Variants in RAP1GAP2 observed in about 807,000 individuals in gnomAD.
RAP1GAP2 encodes the protein RAP1 GTPase activating protein 2.
Under a neutral mutation model 95.0 loss-of-function variants are expected in RAP1GAP2, and 27 were observed. That is an observed-to-expected ratio of 0.28 (90% CI 0.21 to 0.39). RAP1GAP2 has a LOEUF of 0.39. Among genes scored for constraint, RAP1GAP2 ranks in the 10% least tolerant of loss-of-function variants. The pLI is 1.00. For missense variants in RAP1GAP2, 771 were observed against 970.0 expected (o/e 0.79, Z 2.72); for synonymous variants, 373 against 380.9 (o/e 0.98, Z 0.24).
rs367895358 is a variant in RAP1GAP2 at position 3,005,921 on chromosome 17, G to T, written c.1273-34G>T. 915 of 1,588,882 alleles carry T rather than the reference G, an allele frequency of 5.8e-4. 1 individual carries two copies. In the Middle Eastern group the frequency reaches 6.7e-3, roughly 12 times the overall value. On this transcript the variant is annotated intron_variant, in intron 15 of 24. Coordinates refer to ENST00000254695, the MANE Select transcript of RAP1GAP2 (RefSeq NM_015085.5). This position sits in a 1 kb window ranked among gnomAD's most constrained non-coding sequence, Gnocchi z 5.2. ...GAAGACCTTCTGGCAACAGCCGAGA[G>T]TGACAGACCTGAGGTCCGTCTTGTC...
At chr17:3,024,517 A>G (rs562149270) in intron 19 of RAP1GAP2, among the ~76,000 whole-genome samples, 20 of 152,234 alleles carry the variant, frequency 1.3e-4, no homozygotes, top group Non-Finnish European at 1.9e-4. Flanking sequence ...TAGAGTTACC[A>G]TATGACCAAG....
chr17:2,964,996 T>C (rs1013103204), intron 7 of RAP1GAP2: 2 of 154,868 alleles, frequency 1.3e-5, no homozygotes, highest in South Asian at 2.0e-4. Context: ...AGCTGTGTTT[T>C]TCGCCCGTGT....
chr17:2,794,772 C>T (rs2069021766), upstream of RAP1GAP2, among the ~76,000 whole-genome samples: 1 of 151,708 alleles, frequency 6.6e-6, no homozygotes, highest in South Asian at 2.1e-4. Flanking sequence ...AGCACGGAGT[C>T]TAGGACCTTC....
At position 2,957,777 on chromosome 17, in the gene RAP1GAP2, A is replaced by G. The variant is rs1177702356; in HGVS notation, c.184A>G (p.Met62Val). The G allele has an allele frequency of 6.2e-7, 1 of 1,607,230 alleles. No individual in the cohort carries two copies. The highest frequency in any genetic ancestry group is 8.5e-7 in the Non-Finnish European group (1 of 1,176,700). ...CTTTCAGTCGTCGGAGTTCTTTGAG[A>G]TGCTGGAGAAAATGCAGGTGAGTAC... ...PTMKSSEFFE[M>V]LEKMQGIKLE... The change falls in exon 4 of 25, where the codon ATG becomes GTG. Residue 62 changes from methionine to valine, a missense_variant. Met to Val is a conservative substitution (Grantham distance 21). Coordinates refer to ENST00000254695, the MANE Select transcript of RAP1GAP2 (RefSeq NM_015085.5).
chr17:2,853,341 A>T (rs1056042765), intron 2 of RAP1GAP2, among the ~76,000 whole-genome samples: 1 of 151,734 alleles, frequency 6.6e-6, no homozygotes, highest in Admixed American at 6.6e-5. Flanking sequence ...GTTTGGACGG[A>T]GGAGGACGCG....
intron 1 of RAP1GAP2, among the ~76,000 whole-genome samples, chr17:2,786,907 A>G (rs1272823994): frequency 6.8e-6 from 1 of 146,796 alleles, no homozygotes; most frequent in Non-Finnish European, 1.5e-5. Flanking sequence ...TTGGCTTCCC[A>G]AACTGCTGGG....
intron 2 of RAP1GAP2, among the ~76,000 whole-genome samples, chr17:2,873,646 A>G (rs1487885847): frequency 6.6e-6 from 1 of 152,148 alleles, no homozygotes; most frequent in Non-Finnish European, 1.5e-5. Flanking sequence ...TTCCTCATTC[A>G]AAACTCAACA....
At chr17:2,794,058 A>G (rs1026586009), upstream of RAP1GAP2, among the ~76,000 whole-genome samples, 3 of 141,472 alleles carry the variant, frequency 2.1e-5, no homozygotes, top group African/African-American at 8.0e-5. Flanking sequence ...GTGCCACTGC[A>G]CTCCAGCCTG....
At chr17:2,779,381 G>A (rs568746108) in intron 1 of RAP1GAP2, among the ~76,000 whole-genome samples, 1 of 152,220 alleles carries the variant, frequency 6.6e-6, no homozygotes. Context: ...GGGTGGCTCA[G>A]ATAGTCATTC....
chr17:2,801,120 T>G (rs2069273607), intron 2 of RAP1GAP2, among the ~76,000 whole-genome samples: 1 of 150,580 alleles, frequency 6.6e-6, no homozygotes, highest in African/African-American at 2.4e-5. Flanking sequence ...AGTGCTGGGA[T>G]TATAGGCGTG....
Position 3,033,141 on chromosome 17 carries a change from T to C in RAP1GAP2, c.*31-251T>C, listed in dbSNP as rs1382582631. On this transcript the variant is annotated intron_variant, in intron 24 of 24. Coordinates refer to ENST00000254695, the MANE Select transcript of RAP1GAP2 (RefSeq NM_015085.5). The surrounding 1 kb of genome is among the most constrained non-coding windows in gnomAD (Gnocchi z 4.9). ...AAAAAGCAGAAGACAAATGGGCATATGGACCTTCACCCCCGGCTCCCATCA... is the reference window on the plus strand; with the variant it reads ...AAAAAGCAGAAGACAAATGGGCATACGGACCTTCACCCCCGGCTCCCATCA... 6.5e-6 allele frequency: 1 copy of C among 152,736 alleles called. No individual in the cohort carries two copies. The highest frequency in any genetic ancestry group is 1.5e-5 in the Non-Finnish European group (1 of 68,460). The allele number at this position is 152,736 out of a possible 1,614,324, so 9.5% of individuals were successfully genotyped here. A position where few individuals can be genotyped will look rare whatever the true frequency, so the allele number is the denominator to read the frequency against.
intron 2 of RAP1GAP2, among the ~76,000 whole-genome samples, chr17:2,874,067 C>T (rs2072977985): frequency 6.6e-6 from 1 of 152,196 alleles, no homozygotes; most frequent in Non-Finnish European, 1.5e-5. Flanking sequence ...TGAGCCACTG[C>T]ACCTGGCCTG....
chr17:2,793,777 G>A (rs992214728), upstream of RAP1GAP2, among the ~76,000 whole-genome samples: 24 of 152,302 alleles, frequency 1.6e-4, no homozygotes, highest in African/African-American at 5.1e-4. Context: ...TGGCACAGCC[G>A]GATCCTGGAG....
intron 3 of RAP1GAP2, among the ~76,000 whole-genome samples, chr17:2,928,452 C>T (rs770779403): frequency 3.9e-5 from 6 of 151,944 alleles, no homozygotes; most frequent in Non-Finnish European, 7.4e-5. Context: ...CCTGCGTGTC[C>T]GGGGTCGCCT....
chr17:3,013,053 G>A (rs994369822), intron 17 of RAP1GAP2, among the ~76,000 whole-genome samples: 1 of 152,228 alleles, frequency 6.6e-6, no homozygotes, highest in Admixed American at 6.5e-5. Flanking sequence ...CTGCCGGGCT[G>A]GCTGTGATGG....
At position 2,947,763 on chromosome 17, in the gene RAP1GAP2, ACATCC is replaced by A. The variant is rs552583901; in HGVS notation, c.166-9989_166-9985del. On this transcript the variant is annotated intron_variant, in intron 3 of 24. Transcript: ENST00000254695. ...GCTCGGTGGTCAGACGACATGGGAC[ACATCC>A]CATCCCGCTCCCAGGGCGTGCCCTG... is the stretch of plus-strand genomic sequence containing the variant. Among the ~76,000 whole-genome samples, 3 of 151,702 alleles carry A rather than the reference ACATCC, an allele frequency of 2.0e-5. No homozygotes were observed. The South Asian group carries it at 6.3e-4, about 32-fold the overall frequency.
intron 1 of RAP1GAP2, 194 bp from the exon 2 acceptor site, chr17:2,800,321 G>C: frequency 1.2e-6 from 1 of 835,334 alleles, no homozygotes; most frequent in South Asian, 5.5e-5. Context: ...TTGTAGGGTG[G>C]TGTGTGGCCC....
intron 4 of RAP1GAP2, among the ~76,000 whole-genome samples, chr17:2,958,458 G>A (rs1443835613): frequency 1.3e-5 from 2 of 152,056 alleles, no homozygotes; most frequent in African/African-American, 4.8e-5. Context: ...GTTCATTGAC[G>A]TGGGCGGGAA....
rs930843621 is a variant in RAP1GAP2, at chr17:2,953,071, G to A, written c.166-4688G>A. On this transcript the variant is annotated intron_variant, in intron 3 of 24. Transcript: ENST00000254695. The stretch of plus-strand genomic sequence containing the variant: ...TCTGCCCGCCTCAGCCTCCTAAAGT[G>A]CTGGGATTACAGGTGTGAGCCACCA... Among the ~76,000 whole-genome samples, 9 of 152,254 alleles carry A rather than the reference G, an allele frequency of 5.9e-5. No homozygotes were observed. In the South Asian group the frequency reaches 1.9e-3, roughly 32 times the overall value.
Sources: allele counts gnomAD v4.1 joint callset (sites outside exome capture counted in the v4.1 genomes callset), GRCh38; gene constraint gnomAD v4.1.1; non-coding constraint Gnocchi (gnomAD v3.1); transcripts MANE v1.5; gene names NCBI Gene and HGNC (gene_info 2026-07-23, HGNC 2026-07-21).